Variants in MYO16 observed in about 807,000 individuals in gnomAD.
MYO16 encodes unconventional myosin-XVI.
MYO16 carries 94 observed loss-of-function variants against 205.3 expected under a neutral mutation model. The observed-to-expected ratio is 0.46, with a 90% CI of 0.39 to 0.54. The LOEUF (loss-of-function observed/expected upper bound fraction) is 0.54. Among genes scored for constraint, MYO16 ranks in the 20% least tolerant of loss-of-function variants. The probability of loss-of-function intolerance (pLI) is 0.00; values close to 1 mark genes in which losing one functional copy is unlikely to be tolerated. For missense variants in MYO16, 2,315 were observed against 2,387.5 expected, an observed-to-expected ratio of 0.97 and a Z score of 0.63; for synonymous variants, 988 against 954.0, an observed-to-expected ratio of 1.04 and a Z score of -0.66.
chr13:108,554,665 C>T, the MYO16 span, among the ~76,000 whole-genome samples: 2 of 151,994 alleles, frequency 1.3e-5, no homozygotes, highest in South Asian at 2.1e-4. Context: ...CTGGCTAACA[C>T]GGTGAAACCC....
the MYO16 span, among the ~76,000 whole-genome samples, chr13:108,541,980 C>T: frequency 1.3e-5 from 2 of 152,100 alleles, no homozygotes; most frequent in African/African-American, 4.8e-5. Context: ...CAAAGGAATA[C>T]AAATCATCTT....
At chr13:108,832,477 C>T (rs1272334002) in intron 9 of MYO16, among the ~76,000 whole-genome samples, 3 of 151,884 alleles carry the variant, frequency 2.0e-5, no homozygotes, top group Admixed American at 1.3e-4. Context: ...ACCTCTTTTT[C>T]ACAAGCAGAA....
intron 28 of MYO16, among the ~76,000 whole-genome samples, chr13:109,118,087 C>T (rs922303755): frequency 1.3e-5 from 2 of 152,116 alleles, no homozygotes; most frequent in South Asian, 4.2e-4. Flanking sequence ...CTCAAGATGC[C>T]CTGGGAAATT....
intron 2 of MYO16, among the ~76,000 whole-genome samples, chr13:108,684,288 T>A (rs895660543): frequency 2.0e-5 from 3 of 152,084 alleles, no homozygotes; most frequent in African/African-American, 7.2e-5. Context: ...GCATGAAAGG[T>A]GTGTTTTGGC....
At chr13:108,563,730 C>T in the MYO16 span, among the ~76,000 whole-genome samples, 1 of 152,238 alleles carries the variant, frequency 6.6e-6, no homozygotes, top group South Asian at 2.1e-4. Flanking sequence ...ATTTTCTTTA[C>T]CCATTCATCT....
At chr13:108,614,558 C>T (rs117731200) in intron 1 of MYO16, among the ~76,000 whole-genome samples, 2,644 of 152,076 alleles carry the variant, frequency 0.017, 24 homozygotes, top group Non-Finnish European at 0.029. Flanking sequence ...ACTGACATAT[C>T]CCAATTACAA....
chr13:108,691,153 C>T (rs1882880537), intron 2 of MYO16, among the ~76,000 whole-genome samples: 2 of 152,074 alleles, frequency 1.3e-5, no homozygotes, highest in Non-Finnish European at 2.9e-5. Flanking sequence ...AGTTGCAAGG[C>T]ATTGCCCAAA....
chr13:108,987,170 C>G (rs1884670393), intron 20 of MYO16, among the ~76,000 whole-genome samples: 1 of 152,146 alleles, frequency 6.6e-6, no homozygotes, highest in Non-Finnish European at 1.5e-5. Context: ...ATGACTGCAT[C>G]TAGGAAGATG....
chr13:109,151,092 A>G (rs1318703053), intron 32 of MYO16, among the ~76,000 whole-genome samples: 1 of 152,178 alleles, frequency 6.6e-6, no homozygotes, highest in Admixed American at 6.5e-5. Flanking sequence ...CTATTTCCCA[A>G]TTACCTACCA....
intron 27 of MYO16, among the ~76,000 whole-genome samples, chr13:109,096,250 A>G (rs896175793): frequency 3.9e-5 from 6 of 152,158 alleles, no homozygotes; most frequent in Admixed American, 3.3e-4. Flanking sequence ...GGTGGCAGCC[A>G]TAGATCCTCA....
intron 18 of MYO16, among the ~76,000 whole-genome samples, chr13:108,961,930 A>T (rs1883600536): frequency 6.6e-6 from 1 of 152,196 alleles, no homozygotes; most frequent in Non-Finnish European, 1.5e-5. Context: ...TATTGTTCTA[A>T]GTACCCTTCA....
chr13:108,882,776 A>AAGAACATAT (rs1879681939), intron 12 of MYO16, among the ~76,000 whole-genome samples: 1 of 152,212 alleles, frequency 6.6e-6, no homozygotes, highest in Non-Finnish European at 1.5e-5. Context: ...ATATCTATTA[A>AAGAACATAT]AGAACATATT....
chr13:108,976,935 A>G (rs529940344), intron 20 of MYO16, among the ~76,000 whole-genome samples: 2 of 152,304 alleles, frequency 1.3e-5, no homozygotes, highest in South Asian at 4.1e-4. Flanking sequence ...TAAAAGACGT[A>G]GATGATTACA....
the MYO16 span, among the ~76,000 whole-genome samples, chr13:108,544,486 G>A: frequency 6.3e-4 from 96 of 152,114 alleles, no homozygotes; most frequent in African/African-American, 2.2e-3. Context: ...CCGTGGAAGT[G>A]GGGTATTCAT....
At position 108,834,638 on chromosome 13, in the gene MYO16, ACTCTCTCTCTCTCT is replaced by A. The variant is rs67472762; in HGVS notation, c.1098-9687_1098-9674del. On this transcript the variant is annotated intron_variant, in intron 9 of 34. Transcript: ENST00000457511. ...TGTTTCCTGTTTTATTCAGTCTTGT[ACTCTCTCTCTCTCT>A]CTCTCTCTCTCTCTCTCACACATAT... 7.2e-3 allele frequency among the ~76,000 whole-genome samples: 647 copies of A among 90,344 alleles called. 4 individuals carry two copies. The highest frequency in any genetic ancestry group is 0.022 in the African/African-American group (621 of 28,680). The allele number at this position is 90,344 out of a possible 152,430, so 59.3% of individuals were successfully genotyped here. A position where few individuals can be genotyped will look rare whatever the true frequency, so the allele number is the denominator to read the frequency against.
chr13:109,168,971 A>G (rs1878815522), intron 33 of MYO16, among the ~76,000 whole-genome samples: 1 of 152,116 alleles, frequency 6.6e-6, no homozygotes, highest in Admixed American at 6.5e-5. Context: ...ACTGAATAGT[A>G]TATATTGTCC....
the MYO16 span, among the ~76,000 whole-genome samples, chr13:108,578,003 G>A: frequency 6.6e-6 from 1 of 152,098 alleles, no homozygotes; most frequent in South Asian, 2.1e-4. Context: ...TATATTGTGT[G>A]CTCCTCTTTA....
intron 23 of MYO16, among the ~76,000 whole-genome samples, chr13:109,026,798 T>C (rs2139543396): frequency 6.6e-6 from 1 of 152,302 alleles, no homozygotes; most frequent in Non-Finnish European, 1.5e-5. Context: ...CTGAATTTCC[T>C]TGATCTCATT....
chr13:108,957,659 ATAACGTTACGTGCCTTGTCTCC>A lies in MYO16; in HGVS notation c.1926-24_1926-3del, dbSNP rs1330067586. 6.6e-7 allele frequency: 1 copy of A among 1,505,782 alleles called. No homozygotes were observed. Among genetic ancestry groups the A allele is most frequent in the African/African-American group, 1.4e-5 (1 of 72,910 alleles). The allele number at this position is 1,505,782 out of a possible 1,614,324, so 93.3% of individuals were successfully genotyped here. ...CAGAAGTCTGACCGGAAGCCAGGCG[ATAACGTTACGTGCCTTGTCTCC>A]TAACAGGTATTTGAACCAGACCATA... On this transcript the variant is annotated splice_polypyrimidine_tract_variant and splice_region_variant and intron_variant, in intron 16 of 34. Coordinates refer to ENST00000457511, the MANE Select transcript of MYO16 (RefSeq NM_001198950.3).
Sources: allele counts gnomAD v4.1 joint callset (sites outside exome capture counted in the v4.1 genomes callset), GRCh38; gene constraint gnomAD v4.1.1; transcripts MANE v1.5; gene names NCBI Gene and HGNC (gene_info 2026-07-23, HGNC 2026-07-21).